The following NTRK3 variants were observed in gnomAD, a reference collection of about 807,000 sequenced individuals.
NTRK3 encodes neurotrophic receptor tyrosine kinase 3.
NTRK3 carries 24 observed loss-of-function variants against 91.7 expected under a neutral mutation model. The observed-to-expected ratio is 0.26, with a 90% CI of 0.19 to 0.37. The LOEUF is 0.37. Ranked by LOEUF, NTRK3 falls within the 10% of genes least tolerant of loss-of-function variation. The pLI, the probability that NTRK3 is intolerant of heterozygous loss-of-function variation, is 1.00. For missense variants in NTRK3, 880 were observed against 1,068.9 expected (o/e 0.82, Z 2.46); for synonymous variants, 483 against 404.0 (o/e 1.20, Z -2.34).
intron 14 of NTRK3, among the ~76,000 whole-genome samples, chr15:87,988,512 A>G (rs78661494): frequency 6.6e-6 from 1 of 152,356 alleles, no homozygotes; most frequent in African/African-American, 2.4e-5. Context: ...GAGAAACTGG[A>G]TGAGAGATAT....
chr15:88,225,794 G>C lies in NTRK3; in HGVS notation c.248+30112C>G, dbSNP rs115482754. ...GACAGCCCCGTACACCACACCTCAC[G>C]GCAGGCAGGAGGAGGGATGGGAGGA... On this transcript the variant is annotated intron_variant, in intron 3 of 18. Transcript: ENST00000394480. 2.3e-3 allele frequency among the ~76,000 whole-genome samples: 355 copies of C among 152,264 alleles called. 2 individuals carry two copies. Among genetic ancestry groups the C allele is most frequent in the African/African-American group, 8.2e-3 (342 of 41,550 alleles).
At chr15:87,927,832 T>C (rs2068452829) in intron 17 of NTRK3, 1 of 152,220 alleles carries the variant, frequency 6.6e-6, no homozygotes, top group African/African-American at 2.4e-5. Context: ...CAGTTTTTTG[T>C]AACCTATCCC....
At chr15:88,223,214 C>T (rs565794542) in intron 3 of NTRK3, among the ~76,000 whole-genome samples, 25 of 152,336 alleles carry the variant, frequency 1.6e-4, no homozygotes, top group African/African-American at 4.6e-4. Flanking sequence ...CCAAATCAGC[C>T]GAGTGGAATG....
intron 3 of NTRK3, among the ~76,000 whole-genome samples, chr15:88,254,936 C>T (rs931371484): frequency 3.3e-5 from 5 of 152,174 alleles, no homozygotes; most frequent in African/African-American, 1.2e-4. Flanking sequence ...AGCAGACTCT[C>T]CAGTCCCCAG....
Position 88,210,288 on chromosome 15 carries a change from G to A in NTRK3, c.249-25989C>T, listed in dbSNP as rs575604923. ...TGTGCTGGCCTCCTGGAAGCACCAG[G>A]AGAGAAGCAATTCGAAGAGCAGCCC... On this transcript the variant is annotated intron_variant, in intron 3 of 18. Transcript: ENST00000394480. Among the ~76,000 whole-genome samples, 208 of 152,310 alleles carry A rather than the reference G, an allele frequency of 1.4e-3. 1 individual carries two copies. Among genetic ancestry groups the A allele is most frequent in the African/African-American group, 4.6e-3 (193 of 41,562 alleles).
rs112242123 is a variant in NTRK3 at position 87,968,689 on chromosome 15, T to C, written c.1586-27936A>G. Among the ~76,000 whole-genome samples the C allele has an allele frequency of 5.2e-3, 790 of 152,298 alleles. 13 individuals carry two copies. The highest frequency in any genetic ancestry group is 0.018 in the African/African-American group (758 of 41,560). The stretch of plus-strand genomic sequence containing the variant: ...CTAAACTGACCAAAAGTTGACTCCA[T>C]GTGTTTGCATCTCCCAGAGTATTGT... On this transcript the variant is annotated intron_variant, in intron 14 of 18. Coordinates refer to ENST00000394480, the Ensembl canonical transcript of NTRK3.
chr15:87,882,828 A>G (rs1194875388), intron 17 of NTRK3, among the ~76,000 whole-genome samples: 13 of 152,128 alleles, frequency 8.5e-5, no homozygotes, highest in Non-Finnish European at 1.6e-4. Context: ...TTTAACTAAT[A>G]CCAAAAAGAC....
At chr15:87,860,323 C>A (rs1323643517) in exon 19 of NTRK3, 3 of 212,694 alleles carry the variant, frequency 1.4e-5, no homozygotes, top group African/African-American at 2.3e-5. Flanking sequence ...ATTACTAATA[C>A]AATTTAAAAA....
intron 14 of NTRK3, among the ~76,000 whole-genome samples, chr15:87,994,266 T>C (rs182174675): frequency 2.0e-5 from 3 of 152,266 alleles, no homozygotes; most frequent in Admixed American, 2.0e-4. Flanking sequence ...TCAAACACCA[T>C]CACCACAGTA....
Position 88,241,581 on chromosome 15 carries a change from G to T in NTRK3, c.248+14325C>A, listed in dbSNP as rs961262708. 2.6e-5 allele frequency among the ~76,000 whole-genome samples: 4 copies of T among 152,172 alleles called. No homozygotes were observed. The East Asian group carries it at 7.7e-4, about 29-fold the overall frequency. ...GTGTGCCCTGGTCAGTCTCACCTAG[G>T]AGCAGGGGGCATGGGGCAGGTCAGC... On this transcript the variant is annotated intron_variant, in intron 3 of 18. Transcript: ENST00000394480. This position sits in a 1 kb window ranked among gnomAD's most constrained non-coding sequence, Gnocchi z 4.3.
At chr15:88,020,967 T>C (rs2077552256) in intron 14 of NTRK3, among the ~76,000 whole-genome samples, 1 of 152,210 alleles carries the variant, frequency 6.6e-6, no homozygotes, top group Admixed American at 6.5e-5. Flanking sequence ...GATTTAAGCA[T>C]TTCTCCTTGG....
intron 13 of NTRK3, among the ~76,000 whole-genome samples, chr15:88,061,034 A>G (rs1447655048): frequency 6.6e-6 from 1 of 151,436 alleles, no homozygotes; most frequent in East Asian, 1.9e-4. Flanking sequence ...TTGTTCATCT[A>G]CTTCCATTTT....
rs139678131 is a variant in NTRK3 at position 87,959,189 on chromosome 15, G to A, written c.1586-18436C>T. On this transcript the variant is annotated intron_variant, in intron 14 of 18. Coordinates refer to ENST00000394480, the Ensembl canonical transcript of NTRK3. ...TTCAGTTCTCATGGCTCGAACTGCCGCCGTCGGATAATTATCTTCCTGACT... is the reference window on the plus strand; with the variant it reads ...TTCAGTTCTCATGGCTCGAACTGCCACCGTCGGATAATTATCTTCCTGACT... 6.8e-3 allele frequency among the ~76,000 whole-genome samples: 1,039 copies of A among 152,214 alleles called. 9 individuals carry two copies. The highest frequency in any genetic ancestry group is 0.023 in the African/African-American group (964 of 41,514).
At chr15:87,952,140 G>C (rs1313101394) in intron 14 of NTRK3, among the ~76,000 whole-genome samples, 2 of 122,408 alleles carry the variant, frequency 1.6e-5, no homozygotes, top group African/African-American at 6.1e-5. Context: ...AGAAAGAAAA[G>C]AAAAGAAAAG....
intron 13 of NTRK3, among the ~76,000 whole-genome samples, chr15:88,095,516 G>A (rs1239372653): frequency 6.6e-6 from 1 of 152,200 alleles, no homozygotes; most frequent in African/African-American, 2.4e-5. Flanking sequence ...AGCAGGGTTT[G>A]TATAACTCTC....
At chr15:87,971,468 GAATAT>G (rs1375060120) in intron 14 of NTRK3, among the ~76,000 whole-genome samples, 32 of 152,364 alleles carry the variant, frequency 2.1e-4, no homozygotes, top group African/African-American at 6.7e-4. Context: ...GATTCTGACA[GAATAT>G]AATTAATAGG....
chr15:87,870,557 C>A (rs1012766271), exon 19 of NTRK3: 2 of 208,300 alleles, frequency 9.6e-6, no homozygotes, highest in Admixed American at 5.9e-5. Flanking sequence ...CAAACACTAC[C>A]TGTTCCCCAA....
At chr15:88,047,026 G>A (rs1048726081) in intron 13 of NTRK3, among the ~76,000 whole-genome samples, 3 of 152,168 alleles carry the variant, frequency 2.0e-5, no homozygotes, top group Non-Finnish European at 4.4e-5. Flanking sequence ...GGCTCCATGG[G>A]CGAGGCTGAC....
chr15:88,037,022 C>T (rs536713835), intron 13 of NTRK3, among the ~76,000 whole-genome samples: 1 of 152,208 alleles, frequency 6.6e-6, no homozygotes. Context: ...TCCACCTTCT[C>T]TACCTTATTT....
Sources: allele counts gnomAD v4.1 joint callset (sites outside exome capture counted in the v4.1 genomes callset), GRCh38; gene constraint gnomAD v4.1.1; non-coding constraint Gnocchi (gnomAD v3.1); transcripts MANE v1.5; gene names NCBI Gene and HGNC (gene_info 2026-07-23, HGNC 2026-07-21).